TRAPPC9: variants seen among roughly 807,000 people sequenced by gnomAD.
The protein encoded by TRAPPC9 is IKK2 binding protein.
A neutral mutation model predicts 124.0 loss-of-function variants in TRAPPC9; 83 were observed. The ratio of observed to expected loss-of-function variants is 0.67; its 90% confidence interval spans 0.56 to 0.80. The LOEUF (loss-of-function observed/expected upper bound fraction) is 0.80. Among genes scored for constraint, TRAPPC9 ranks in the 30% least tolerant of loss-of-function variants. The pLI is 0.00. For missense variants in TRAPPC9, 1,302 were observed against 1,508.3 expected, an observed-to-expected ratio of 0.86 and a Z score of 2.27; for synonymous variants, 638 against 617.5, an observed-to-expected ratio of 1.03 and a Z score of -0.49.
Position 139,786,798 on chromosome 8 carries a change from AAC to A in TRAPPC9, c.3056-54598_3056-54597del, listed in dbSNP as rs564115394. ...CTGCATGAACAAAGCCAGTTAAAAAAACAGTGTGGGAATCCATTTATTTAAAA... is the reference window on the plus strand; with the variant it reads ...CTGCATGAACAAAGCCAGTTAAAAAAAGTGTGGGAATCCATTTATTTAAAA... On this transcript the variant is annotated intron_variant, in intron 21 of 22. Coordinates refer to ENST00000438773, the MANE Select transcript of TRAPPC9 (RefSeq NM_001160372.4). Among the ~76,000 whole-genome samples, 475 of 152,330 alleles carry A rather than the reference AAC, an allele frequency of 3.1e-3. 1 individual carries two copies. The highest frequency in any genetic ancestry group is 0.011 in the African/African-American group (456 of 41,578).
At chr8:140,199,687 C>T (rs1050752704) in intron 17 of TRAPPC9, among the ~76,000 whole-genome samples, 2 of 152,106 alleles carry the variant, frequency 1.3e-5, no homozygotes, top group Non-Finnish European at 2.9e-5. Context: ...TTTTGCATCA[C>T]CCGCACCACA....
chr8:139,821,340 C>G (rs988590329), intron 21 of TRAPPC9, among the ~76,000 whole-genome samples: 2 of 152,214 alleles, frequency 1.3e-5, no homozygotes, highest in Non-Finnish European at 2.9e-5. Flanking sequence ...CTGAGAAGGG[C>G]GAGGCCCAGG....
At position 140,272,827 on chromosome 8, in the gene TRAPPC9, G is replaced by C. The variant is rs556670191; in HGVS notation, c.2278+2831C>G. 2.0e-5 allele frequency among the ~76,000 whole-genome samples: 3 copies of C among 152,088 alleles called. No individual in the cohort carries two copies. In the East Asian group the frequency reaches 5.8e-4, roughly 29 times the overall value. ...TTCATTCCCATGAGACGAGCACCCA[G>C]CCATTCATCAGGGATCCACCCCCAT... On this transcript the variant is annotated intron_variant, in intron 15 of 22. Coordinates refer to ENST00000438773, the MANE Select transcript of TRAPPC9 (RefSeq NM_001160372.4).
At chr8:139,958,121 C>T (rs1188970474) in intron 19 of TRAPPC9, among the ~76,000 whole-genome samples, 1 of 152,210 alleles carries the variant, frequency 6.6e-6, no homozygotes, top group African/African-American at 2.4e-5. Flanking sequence ...AAAGGACTCA[C>T]TGCCACTGCA....
At chr8:139,912,566 G>A (rs1378140445) in intron 19 of TRAPPC9, among the ~76,000 whole-genome samples, 1 of 152,222 alleles carries the variant, frequency 6.6e-6, no homozygotes, top group Non-Finnish European at 1.5e-5. Flanking sequence ...AGGCTCAGAG[G>A]CCGAGTCTTC....
intron 5 of TRAPPC9, among the ~76,000 whole-genome samples, chr8:140,416,879 C>CAGAGG (rs1385107957): frequency 2.0e-5 from 3 of 152,062 alleles, no homozygotes; most frequent in African/African-American, 7.2e-5. Context: ...ATATATAGAC[C>CAGAGG]AATGGAACAG....
At chr8:140,101,454 A>G (rs750838570) in intron 17 of TRAPPC9, among the ~76,000 whole-genome samples, 2 of 151,790 alleles carry the variant, frequency 1.3e-5, no homozygotes, top group South Asian at 4.1e-4. Flanking sequence ...ATTTTAAAAT[A>G]CATTTTTAGG....
chr8:140,419,205 G>A (rs1588318787), intron 5 of TRAPPC9, among the ~76,000 whole-genome samples: 2 of 152,232 alleles, frequency 1.3e-5, no homozygotes, highest in South Asian at 2.1e-4. Context: ...GAGGCGGGTG[G>A]ATCAGGAGGT....
intron 18 of TRAPPC9, among the ~76,000 whole-genome samples, chr8:140,003,868 C>A (rs972525709): frequency 6.6e-6 from 1 of 152,186 alleles, no homozygotes; most frequent in Non-Finnish European, 1.5e-5. Context: ...GAATTGAAAA[C>A]TTAAATTCAC....
chr8:139,834,104 T>C (rs934333611), intron 21 of TRAPPC9, among the ~76,000 whole-genome samples: 1 of 152,064 alleles, frequency 6.6e-6, no homozygotes, highest in Non-Finnish European at 1.5e-5. Flanking sequence ...CTCCGGTGCA[T>C]AGAGTTGTTG....
rs141281829 is a variant in TRAPPC9 at position 140,215,122 on chromosome 8, C to T, written c.2556+6337G>A. On this transcript the variant is annotated intron_variant, in intron 17 of 22. Coordinates refer to ENST00000438773, the MANE Select transcript of TRAPPC9 (RefSeq NM_001160372.4). ...GCTCAGCCGTCCCGCAGAAGACAAA[C>T]CTCGACAACCAGAAAATGCCGCATG... 3.5e-3 allele frequency among the ~76,000 whole-genome samples: 540 copies of T among 152,250 alleles called. 3 individuals carry two copies. The highest frequency in any genetic ancestry group is 6.0e-3 in the Admixed American group (92 of 15,290).
At chr8:140,062,294 C>G (rs1842665634) in intron 17 of TRAPPC9, among the ~76,000 whole-genome samples, 1 of 152,192 alleles carries the variant, frequency 6.6e-6, no homozygotes, top group Non-Finnish European at 1.5e-5. Context: ...GGTATTCCAT[C>G]CTACTGGGCA....
At chr8:140,052,588 C>T (rs554783005) in intron 17 of TRAPPC9, among the ~76,000 whole-genome samples, 1 of 152,212 alleles carries the variant, frequency 6.6e-6, no homozygotes, top group Admixed American at 6.5e-5. Flanking sequence ...TTGAGACCAG[C>T]CTGGCCAACA....
chr8:140,090,080 A>T (rs1292314476), intron 17 of TRAPPC9, among the ~76,000 whole-genome samples: 3 of 152,030 alleles, frequency 2.0e-5, no homozygotes, highest in South Asian at 4.1e-4. Flanking sequence ...CTCTGTCTCA[A>T]AAACAACAAC....
intron 17 of TRAPPC9, among the ~76,000 whole-genome samples, chr8:140,118,005 T>C (rs2060921887): frequency 6.6e-6 from 1 of 152,260 alleles, no homozygotes. Context: ...ACTAGGAATT[T>C]GAAGTCATAA....
intron 17 of TRAPPC9, among the ~76,000 whole-genome samples, chr8:140,079,790 C>T (rs1843713431): frequency 6.6e-6 from 1 of 152,062 alleles, no homozygotes; most frequent in Non-Finnish European, 1.5e-5. Flanking sequence ...ATTGGCCAAG[C>T]GTGGTGGTAG....
intron 12 of TRAPPC9, 142 bp from the exon 13 acceptor site, chr8:140,287,876 G>T: frequency 8.1e-7 from 1 of 1,232,030 alleles, no homozygotes; most frequent in Non-Finnish European, 1.2e-6. Flanking sequence ...GAACTTCGGA[G>T]ACAGTGTACA....
chr8:140,045,697 T>C (rs1841552893), intron 17 of TRAPPC9, among the ~76,000 whole-genome samples: 1 of 138,164 alleles, frequency 7.2e-6, no homozygotes, highest in Non-Finnish European at 1.5e-5. Flanking sequence ...GAGAACACTA[T>C]ACATCCTAAG....
Position 140,221,539 on chromosome 8 carries a change from G to T in TRAPPC9, c.2476C>A (p.Gln826Lys). 1 of 1,614,150 alleles carries T rather than the reference G, an allele frequency of 6.2e-7. No homozygotes were observed. Among genetic ancestry groups the T allele is most frequent in the South Asian group, 1.1e-5 (1 of 91,068 alleles). Residue 826 changes from glutamine (Q) to lysine (K), a missense_variant, in exon 17 of 23, where the codon CAG becomes AAG. Physicochemically the swap from Gln to Lys is moderately conservative, Grantham distance 53. Around this residue, in one of 3 missense-constraint regions of TRAPPC9, gnomAD observed 640 missense variants for 679.3 expected, o/e 0.94. Transcript: ENST00000438773. ...CCCTCCACTCGGGGCCGAACGACCT[G>T]CCGAAAAGGACTGGACAGGGGAAAG... The part of the protein sequence containing the change: ...SGFPLSSPFR[Q>K]VVRPRVEGKP...
Sources: gnomAD v4.1 joint callset for allele counts (sites outside exome capture counted in the v4.1 genomes callset) on GRCh38, gnomAD v4.1.1 for gene constraint, gnomAD v4.1.1 regional missense constraint, MANE v1.5 for transcripts, NCBI Gene and HGNC (gene_info 2026-07-23, HGNC 2026-07-21) for gene names.